EIF4B: variants seen among roughly 807,000 people sequenced by gnomAD.
EIF4B encodes the protein eukaryotic translation initiation factor 4B.
A neutral mutation model predicts 79.3 loss-of-function variants in EIF4B; 8 were observed. The observed-to-expected ratio is 0.10, with a 90% CI of 0.06 to 0.18. EIF4B has a LOEUF of 0.18. Ranked by LOEUF, EIF4B falls within the 10% of genes least tolerant of loss-of-function variation. The probability of loss-of-function intolerance (pLI) is 1.00; values close to 1 mark genes in which losing one functional copy is unlikely to be tolerated. For missense variants in EIF4B, 515 were observed against 792.4 expected (o/e 0.65, Z 4.20); for synonymous variants, 238 against 274.7 (o/e 0.87, Z 1.32).
intron 6 of EIF4B, 131 bp downstream of exon 6, chr12:53,022,758 G>A (rs1402310652): frequency 8.3e-7 from 1 of 1,203,468 alleles, no homozygotes; most frequent in East Asian, 2.8e-5. Flanking sequence ...AAAAATTTTG[G>A]ATAGTATCTG....
intron 8 of EIF4B, among the ~76,000 whole-genome samples, chr12:53,028,923 C>G (rs1943386563): frequency 6.6e-6 from 1 of 151,896 alleles, no homozygotes; most frequent in Non-Finnish European, 1.5e-5. Flanking sequence ...GTCAAGAGTT[C>G]GAGACCAGCC....
chr12:53,027,380 C>T (rs1943355081), intron 6 of EIF4B, among the ~76,000 whole-genome samples: 1 of 151,538 alleles, frequency 6.6e-6, no homozygotes, highest in South Asian at 2.1e-4. Context: ...GATCTGCCCA[C>T]CTCGGGCTCC....
chr12:53,009,058 A>G (rs138552827), intron 1 of EIF4B, among the ~76,000 whole-genome samples: 51 of 152,212 alleles, frequency 3.4e-4, no homozygotes, highest in African/African-American at 1.2e-3. Context: ...AAAAATACGA[A>G]GTTTTTCATT....
intron 1 of EIF4B, among the ~76,000 whole-genome samples, chr12:53,007,995 A>G (rs530546926): frequency 6.6e-6 from 1 of 152,350 alleles, no homozygotes; most frequent in East Asian, 1.9e-4. Flanking sequence ...TCAAGGTGTC[A>G]TCATCAGTTT....
chr12:53,022,117 A>G (rs980902195), intron 5 of EIF4B: 14 of 639,626 alleles, frequency 2.2e-5, no homozygotes, highest in Non-Finnish European at 3.6e-5. Context: ...CCCATCAACA[A>G]AGAATTATGC....
intron 6 of EIF4B, among the ~76,000 whole-genome samples, chr12:53,023,742 C>G (rs1246035736): frequency 1.3e-5 from 2 of 151,704 alleles, no homozygotes; most frequent in African/African-American, 4.8e-5. Context: ...TGCCACCATG[C>G]CTGGCTAATT....
chr12:53,030,723 C>G (rs530353160), intron 8 of EIF4B, among the ~76,000 whole-genome samples: 42 of 152,022 alleles, frequency 2.8e-4, no homozygotes, highest in Non-Finnish European at 5.9e-4. Flanking sequence ...AAACTACGTT[C>G]TTAAAAGCGA....
At chr12:53,033,489 C>T (rs769909793) in intron 8 of EIF4B, among the ~76,000 whole-genome samples, 2 of 151,822 alleles carry the variant, frequency 1.3e-5, no homozygotes, top group South Asian at 2.1e-4. Context: ...ACTACAGGTG[C>T]GCGCCCCAAC....
intron 5 of EIF4B, 67 bp from the exon 6 acceptor site, chr12:53,022,426 T>A: frequency 6.3e-7 from 1 of 1,598,076 alleles, no homozygotes; most frequent in Non-Finnish European, 8.5e-7. Context: ...GGGTTTTCTA[T>A]GTGTGAGAAA....
At chr12:53,009,046 T>A (rs896187143) in intron 1 of EIF4B, among the ~76,000 whole-genome samples, 1 of 152,124 alleles carries the variant, frequency 6.6e-6, no homozygotes. Flanking sequence ...AAAAAAAATC[T>A]TAAAAATACG....
At chr12:53,039,839 T>G (rs142298411) in intron 14 of EIF4B, 137 bp downstream of exon 14, 1 of 991,440 alleles carries the variant, frequency 1.0e-6, no homozygotes, top group East Asian at 2.7e-5. Flanking sequence ...GAATACAAAG[T>G]GTTTGGAAAT....
chr12:53,024,564 A>G (rs140268557), intron 6 of EIF4B, among the ~76,000 whole-genome samples: 3 of 152,372 alleles, frequency 2.0e-5, no homozygotes, highest in African/African-American at 7.2e-5. Context: ...TAATAGGTTC[A>G]TAAGTTTGTT....
chr12:53,029,436 C>T (rs890500696), intron 8 of EIF4B, among the ~76,000 whole-genome samples: 11 of 146,286 alleles, frequency 7.5e-5, no homozygotes, highest in African/African-American at 2.3e-4. Flanking sequence ...AGTGCAGTGG[C>T]ATGATCTCAG....
chr12:53,023,125 CA>C (rs1047670563), intron 6 of EIF4B, among the ~76,000 whole-genome samples: 1,498 of 143,528 alleles, frequency 0.01, 22 homozygotes, highest in African/African-American at 0.034. Flanking sequence ...GACCCTGTCT[CA>C]AAAAAAAAAA....
chr12:53,009,825 G>T (rs1943034469), intron 1 of EIF4B, among the ~76,000 whole-genome samples: 1 of 152,218 alleles, frequency 6.6e-6, no homozygotes, highest in Admixed American at 6.5e-5. Flanking sequence ...ATACAGAATA[G>T]TGTCAATTAA....
At chr12:53,032,834 GCT>G (rs1943470878) in intron 8 of EIF4B, among the ~76,000 whole-genome samples, 1 of 151,694 alleles carries the variant, frequency 6.6e-6, no homozygotes, top group East Asian at 1.9e-4. Context: ...ACCACTCCTG[GCT>G]AATTTTGTAT....
chr12:53,012,628 C>T (rs1378454483), intron 1 of EIF4B, among the ~76,000 whole-genome samples: 3 of 142,102 alleles, frequency 2.1e-5, no homozygotes, highest in Admixed American at 7.3e-5. Flanking sequence ...TTGTGGGGGA[C>T]GGAGTCTCGC....
intron 8 of EIF4B, among the ~76,000 whole-genome samples, chr12:53,029,313 C>G (rs1335182801): frequency 6.6e-6 from 1 of 151,818 alleles, no homozygotes; most frequent in African/African-American, 2.4e-5. Context: ...GTTCTAACTT[C>G]AGTGATGTCA....
intron 8 of EIF4B, among the ~76,000 whole-genome samples, chr12:53,033,304 C>T (rs1397091671): frequency 1.3e-5 from 2 of 151,480 alleles, no homozygotes; most frequent in East Asian, 1.9e-4. Context: ...CAGACGTGAG[C>T]CACCACGCCC....
Sources: allele counts gnomAD v4.1 joint callset (sites outside exome capture counted in the v4.1 genomes callset), GRCh38; gene constraint gnomAD v4.1.1; transcripts MANE v1.5; gene names NCBI Gene and HGNC (gene_info 2026-07-23, HGNC 2026-07-21).